NBAS: variants seen among roughly 807,000 people sequenced by gnomAD.
The protein encoded by NBAS is NAG/BC035112 fusion.
A neutral mutation model predicts 302.5 loss-of-function variants in NBAS; 219 were observed. The observed-to-expected ratio is 0.72, with a 90% CI of 0.65 to 0.81. NBAS has a LOEUF of 0.81. NBAS is among the 30% of genes least tolerant of loss of function. NBAS has a pLI of 0.00. For synonymous variants in NBAS, 1,118 were observed against 1,021.6 expected, an observed-to-expected ratio of 1.09 and a Z score of -1.80; for missense variants, 2,932 against 2,841.6, an observed-to-expected ratio of 1.03 and a Z score of -0.72.
At position 15,474,214 on chromosome 2, in the gene NBAS, G is replaced by C. The variant is rs763631772; in HGVS notation, c.1452C>G (p.Arg484=). The C allele has an allele frequency of 1.2e-6, 2 of 1,614,060 alleles. No individual in the cohort carries two copies. Among genetic ancestry groups the C allele is most frequent in the Non-Finnish European group, 1.7e-6 (2 of 1,180,002 alleles). ...GGCCCTGTTTTATATAACCAAAGTA[G>C]CGAGCCTTGGCAGATATTTCATAAT... ...DSDYEISAKA[R]YFGYIKQGLY... is the part of the protein sequence containing the mutation. Residue 484 remains arginine (R), a synonymous_variant, in exon 15 of 52, where the codon CGC becomes CGG. Coordinates refer to ENST00000281513, the MANE Select transcript of NBAS (RefSeq NM_015909.4).
Position 15,170,586 on chromosome 2 carries a change from C to T in NBAS, c.6841-3263G>A, listed in dbSNP as rs535325777. On this transcript the variant is annotated intron_variant, in intron 51 of 51. Transcript: ENST00000281513. ...TTCAGATAAAATCAAGTGCTGGAAA[C>T]GCAGGGTGGGTGACTTTATCTTATT... Among the ~76,000 whole-genome samples, 107 of 152,304 alleles carry T rather than the reference C, an allele frequency of 7.0e-4. 1 individual carries two copies. Among genetic ancestry groups the T allele is most frequent in the Admixed American group, 5.5e-3 (84 of 15,298 alleles).
chr2:15,258,608 G>A (rs1367022793), intron 44 of NBAS, among the ~76,000 whole-genome samples: 2 of 152,142 alleles, frequency 1.3e-5, no homozygotes, highest in Non-Finnish European at 2.9e-5. Context: ...GTCTCCTGCA[G>A]TACCCTTAGG....
chr2:15,315,720 C>T (rs928412134), intron 38 of NBAS, among the ~76,000 whole-genome samples: 1 of 152,210 alleles, frequency 6.6e-6, no homozygotes. Flanking sequence ...AAATCCCTAA[C>T]ACAATTGTTG....
intron 21 of NBAS, among the ~76,000 whole-genome samples, chr2:15,446,857 A>G (rs1321924382): frequency 2.9e-4 from 43 of 149,470 alleles, no homozygotes; most frequent in Non-Finnish European, 1.5e-5. Flanking sequence ...AAAGAAGTCT[A>G]CTATAAACCC....
chr2:14,793,378 A>G, the NBAS span, among the ~76,000 whole-genome samples: 1 of 152,228 alleles, frequency 6.6e-6, no homozygotes, highest in Non-Finnish European at 1.5e-5. Flanking sequence ...TGAAAAGGTT[A>G]TAAAAATAAT....
chr2:15,550,400 C>T (rs746939953), intron 6 of NBAS, among the ~76,000 whole-genome samples: 1 of 152,156 alleles, frequency 6.6e-6, no homozygotes, highest in Non-Finnish European at 1.5e-5. Flanking sequence ...AGTAAGAACA[C>T]TATAAATGTT....
chr2:15,464,630 ATCT>A (rs1339626309), intron 19 of NBAS, among the ~76,000 whole-genome samples: 1 of 151,994 alleles, frequency 6.6e-6, no homozygotes, highest in African/African-American at 2.4e-5. Context: ...AGACACCACC[ATCT>A]TCTCTGCCCC....
chr2:15,508,639 C>CCATG (rs987912976), intron 10 of NBAS, among the ~76,000 whole-genome samples: 2 of 93,774 alleles, frequency 2.1e-5, no homozygotes, highest in African/African-American at 8.5e-5. Flanking sequence ...TGCTTTATCT[C>CCATG]TATGTGTGTG....
the NBAS span, among the ~76,000 whole-genome samples, chr2:14,916,119 G>T: frequency 6.6e-6 from 1 of 152,058 alleles, no homozygotes; most frequent in Non-Finnish European, 1.5e-5. Flanking sequence ...TGGGATAATG[G>T]TAATACTATC....
At chr2:15,289,191 C>T (rs1441640909) in intron 41 of NBAS, among the ~76,000 whole-genome samples, 1 of 152,184 alleles carries the variant, frequency 6.6e-6, no homozygotes, top group Non-Finnish European at 1.5e-5. Flanking sequence ...ATCCACCCAC[C>T]CACCTACCCA....
chr2:15,438,587 A>G (rs1360975343), intron 21 of NBAS, among the ~76,000 whole-genome samples: 2 of 152,206 alleles, frequency 1.3e-5, no homozygotes, highest in African/African-American at 4.8e-5. Context: ...GGAAAAAAAC[A>G]AAGTGAGCCC....
chr2:15,452,357 A>G (rs1243195741), intron 21 of NBAS, among the ~76,000 whole-genome samples: 2 of 152,158 alleles, frequency 1.3e-5, no homozygotes, highest in African/African-American at 4.8e-5. Flanking sequence ...GCACTTTGGG[A>G]GGCCGAGGCG....
chr2:14,872,906 CA>C, the NBAS span, among the ~76,000 whole-genome samples: 3 of 152,158 alleles, frequency 2.0e-5, no homozygotes, highest in South Asian at 4.1e-4. Context: ...TTTGTGGTCT[CA>C]CTGACTTCAG....
chr2:15,225,750 T>C (rs1667127186), intron 47 of NBAS, among the ~76,000 whole-genome samples: 2 of 152,232 alleles, frequency 1.3e-5, no homozygotes, highest in African/African-American at 4.8e-5. Context: ...GAATTCTGCA[T>C]TAATTACCTG....
At chr2:15,128,985 G>C in the NBAS span, among the ~76,000 whole-genome samples, 3 of 152,200 alleles carry the variant, frequency 2.0e-5, no homozygotes, top group Admixed American at 2.0e-4. Flanking sequence ...GAAATGTGTG[G>C]AGCCGCTGGT....
chr2:14,957,820 G>T, the NBAS span, among the ~76,000 whole-genome samples: 2 of 152,174 alleles, frequency 1.3e-5, no homozygotes, highest in African/African-American at 2.4e-5. Context: ...GCTGCCATTT[G>T]CTGAGTGCCA....
chr2:14,989,305 G>GTGTGTGTGTGTA, the NBAS span, among the ~76,000 whole-genome samples: 2 of 151,648 alleles, frequency 1.3e-5, no homozygotes, highest in African/African-American at 4.8e-5. Flanking sequence ...GTGTGTGTGT[G>GTGTGTGTGTGTA]TGTGTGTGTG....
chr2:15,149,401 C>T, the NBAS span, among the ~76,000 whole-genome samples: 2 of 152,244 alleles, frequency 1.3e-5, no homozygotes, highest in Non-Finnish European at 2.9e-5. Context: ...TCTGTTATAG[C>T]AGCACAAAAC....
chr2:14,855,788 C>T, the NBAS span, among the ~76,000 whole-genome samples: 2 of 152,144 alleles, frequency 1.3e-5, no homozygotes, highest in South Asian at 4.1e-4. Context: ...AGATTTTTGA[C>T]TCTAGGCCCT....
Sources: allele counts gnomAD v4.1 joint callset (sites outside exome capture counted in the v4.1 genomes callset), GRCh38; gene constraint gnomAD v4.1.1; transcripts MANE v1.5; gene names NCBI Gene and HGNC (gene_info 2026-07-23, HGNC 2026-07-21).